Variants in NAPSA observed in about 807,000 individuals in gnomAD.
The protein encoded by NAPSA is napsin A aspartic peptidase.
Under a neutral mutation model 36.7 loss-of-function variants are expected in NAPSA, and 37 were observed. That is an observed-to-expected ratio of 1.01 (90% CI 0.78 to 1.33). The LOEUF (loss-of-function observed/expected upper bound fraction) is 1.33. NAPSA is among the 40% of genes most tolerant of loss of function. The pLI, the probability that NAPSA is intolerant of heterozygous loss-of-function variation, is 0.00. For missense variants in NAPSA, 532 were observed against 543.8 expected, an observed-to-expected ratio of 0.98 and a Z score of 0.21; for synonymous variants, 222 against 234.5, an observed-to-expected ratio of 0.95 and a Z score of 0.49.
intron 7 of NAPSA, 102 bp from the exon 8 acceptor site, chr19:50,359,211 G>A: frequency 8.5e-6 from 9 of 1,060,354 alleles, no homozygotes; most frequent in Non-Finnish European, 1.1e-5. Context: ...TTGAGCACCT[G>A]GGTACTCAGC....
chr19:50,364,412 G>A (rs964707597), intron 1 of NAPSA, among the ~76,000 whole-genome samples: 77 of 151,088 alleles, frequency 5.1e-4, no homozygotes, highest in Non-Finnish European at 9.7e-4. Flanking sequence ...TCAGGAGATC[G>A]AGACCATCCT....
chr19:50,368,794 C>T (rs1406200515), upstream of NAPSA, among the ~76,000 whole-genome samples: 1 of 152,242 alleles, frequency 6.6e-6, no homozygotes, highest in Non-Finnish European at 1.5e-5. Flanking sequence ...CCCCAGCCGC[C>T]ACCCGTTTCT....
upstream of NAPSA, among the ~76,000 whole-genome samples, chr19:50,366,458 T>C (rs1249896784): frequency 6.6e-6 from 1 of 152,178 alleles, no homozygotes; most frequent in Non-Finnish European, 1.5e-5. Flanking sequence ...GAATTCCTTC[T>C]GTGTGTTAGC....
intron 1 of NAPSA, among the ~76,000 whole-genome samples, chr19:50,364,388 G>T (rs1430641939): frequency 6.6e-6 from 1 of 151,582 alleles, no homozygotes; most frequent in Non-Finnish European, 1.5e-5. Context: ...GGCTGAGGTG[G>T]GTGGATCACG....
At chr19:50,361,503 G>T (rs889458544) in intron 4 of NAPSA, 160 bp downstream of exon 4, 7 of 670,498 alleles carry the variant, frequency 1.0e-5, no homozygotes, top group East Asian at 5.3e-5. Context: ...TCCTTGTGAC[G>T]CACCATCCCT....
chr19:50,358,649 G>A lies in NAPSA; in HGVS notation c.1167C>T (p.Asp389=). 1.2e-6 allele frequency: 2 copies of A among 1,613,154 alleles called. No individual in the cohort carries two copies. The highest frequency in any genetic ancestry group is 1.1e-5 in the South Asian group (1 of 91,064). Residue 389 remains aspartate (D), a synonymous_variant, in exon 9 of 9, where the codon GAC becomes GAT. Transcript: ENST00000253719. ...GTYVAVFDRG[D]MKSSARVGLA... is the part of the protein sequence containing the mutation. ...GGCCCACCCGGGCGCTGCTCTTCAT[G>A]TCCCCGCGGTCGAAGACGGCCACAT...
upstream of NAPSA, among the ~76,000 whole-genome samples, chr19:50,366,234 G>A (rs757885010): frequency 6.0e-4 from 90 of 150,964 alleles, no homozygotes; most frequent in Non-Finnish European, 1.0e-3. Flanking sequence ...TGCCCAGGCT[G>A]GGATTACAGG....
intron 1 of NAPSA, among the ~76,000 whole-genome samples, chr19:50,364,046 G>A (rs1195438372): frequency 3.3e-5 from 5 of 152,266 alleles, no homozygotes; most frequent in East Asian, 1.9e-4. Context: ...CTGGCCAGGC[G>A]CAGTGGCTCA....
chr19:50,366,092 T>G (rs1174106281), upstream of NAPSA: 1 of 152,734 alleles, frequency 6.5e-6, no homozygotes, highest in Non-Finnish European at 1.5e-5. Context: ...CAGGACCCAG[T>G]CTCTTACTGT....
At chr19:50,368,050 C>T (rs993875793), upstream of NAPSA, among the ~76,000 whole-genome samples, 5 of 149,972 alleles carry the variant, frequency 3.3e-5, no homozygotes, top group African/African-American at 4.9e-5. Flanking sequence ...CCCAGCTACT[C>T]GGAAGGCCGA....
intron 3 of NAPSA, 41 bp downstream of exon 3, chr19:50,361,928 T>C (rs1481297277): frequency 3.1e-6 from 5 of 1,591,022 alleles, no homozygotes; most frequent in Non-Finnish European, 4.3e-6. Flanking sequence ...GCCTCCTCCC[T>C]TCACCCCCAT....
rs1364672465 is a variant in NAPSA, at chr19:50,362,110, G to A, written c.226-18C>T. On this transcript the variant is annotated intron_variant, in intron 2 of 8. Coordinates refer to ENST00000253719, the MANE Select transcript of NAPSA (RefSeq NM_004851.3). ...TACTGCACCTGATAGCAAAAGAGGAGAGTAAACGAAGAGTTTGGCTCAAGG... is the reference window on the plus strand; with the variant it reads ...TACTGCACCTGATAGCAAAAGAGGAAAGTAAACGAAGAGTTTGGCTCAAGG... The A allele has an allele frequency of 6.2e-7, 1 of 1,613,928 alleles. No homozygotes were observed. Among genetic ancestry groups the A allele is most frequent in the East Asian group, 2.2e-5 (1 of 44,876 alleles).
chr19:50,367,548 CCCTCTCTCTCTCTCTCT>C (rs761989835), upstream of NAPSA, among the ~76,000 whole-genome samples: 2,033 of 143,120 alleles, frequency 0.014, 29 homozygotes, highest in Middle Eastern at 0.039. Context: ...CTCTCTCTCT[CCCTCTCTCTCTCTCTCT>C]CTCTCTCTCT....
At chr19:50,361,453 T>G in intron 4 of NAPSA, 1 of 594,592 alleles carries the variant, frequency 1.7e-6, no homozygotes, top group South Asian at 2.1e-5. Flanking sequence ...TCCCCCCTGC[T>G]TGAGAAGCCC....
chr19:50,360,314 T>C (rs776687440), intron 5 of NAPSA, among the ~76,000 whole-genome samples: 29 of 152,122 alleles, frequency 1.9e-4, no homozygotes, highest in Non-Finnish European at 4.0e-4. Context: ...GGATGGAGAC[T>C]TCCTGGAAGG....
Position 50,358,594 on chromosome 19 carries a change from G to A in NAPSA, c.1222C>T (p.Leu408Phe), listed in dbSNP as rs112996264. The change falls in exon 9 of 9, where the codon CTC (leucine) becomes TTC (phenylalanine). Residue 408 changes from leucine (L) to phenylalanine (F), a missense_variant. Physicochemically the swap from Leu to Phe is conservative, Grantham distance 22 (BLOSUM62 0). Around this residue, in one of 3 missense-constraint regions of NAPSA, gnomAD observed 385 missense variants for 371.5 expected, o/e 1.04. Coordinates refer to ENST00000253719, the MANE Select transcript of NAPSA (RefSeq NM_004851.3). ...LARARTRGAD[L>F]GWGETAQAQF... is the part of the protein sequence containing the mutation. ...GCCTGCGCAGTCTCTCCCCATCCGAGGTCCGCTCCGCGAGTGCGAGCGCGC... is the reference window on the plus strand; with the variant it reads ...GCCTGCGCAGTCTCTCCCCATCCGAAGTCCGCTCCGCGAGTGCGAGCGCGC... 1.2e-6 allele frequency: 2 copies of A among 1,611,276 alleles called. No individual in the cohort carries two copies. The highest frequency in any genetic ancestry group is 2.2e-5 in the East Asian group (1 of 44,790).
chr19:50,369,177 G>A (rs879284679), upstream of NAPSA: 5 of 152,156 alleles, frequency 3.3e-5, no homozygotes, highest in Non-Finnish European at 7.3e-5. Flanking sequence ...TTGTAAGAAA[G>A]GAATTATCGC....
At chr19:50,362,553 C>A in intron 1 of NAPSA, 1 of 373,818 alleles carries the variant, frequency 2.7e-6, no homozygotes, top group Non-Finnish European at 4.8e-6. Flanking sequence ...TGTCCAAATC[C>A]CTTAAAATAA....
At chr19:50,366,004 T>G (rs925707002), upstream of NAPSA, 1 of 174,202 alleles carries the variant, frequency 5.7e-6, no homozygotes, top group African/African-American at 2.4e-5. Context: ...GACCAGCAGG[T>G]ATCTGTGAAG....
Sources: allele counts gnomAD v4.1 joint callset (sites outside exome capture counted in the v4.1 genomes callset), GRCh38; gene constraint gnomAD v4.1.1; regional missense constraint gnomAD v4.1.1; transcripts MANE v1.5; gene names NCBI Gene and HGNC (gene_info 2026-07-23, HGNC 2026-07-21).